Variants in CNNM1 observed in about 807,000 individuals in gnomAD.
The protein encoded by CNNM1 is cyclin and CBS domain divalent metal cation transport mediator 1, also known as metal transporter CNNM1.
A neutral mutation model predicts 78.8 loss-of-function variants in CNNM1; 44 were observed. The ratio of observed to expected loss-of-function variants is 0.56; its 90% CI spans 0.44 to 0.72. The LOEUF (loss-of-function observed/expected upper bound fraction) is 0.72, where lower values mean the gene tolerates loss of function less well. Among genes scored for constraint, CNNM1 ranks in the 30% least tolerant of loss-of-function variants. CNNM1 has a pLI of 0.00. For missense variants in CNNM1, 1,101 were observed against 1,292.2 expected, an observed-to-expected ratio of 0.85 and a Z score of 2.27; for synonymous variants, 584 against 581.5, an observed-to-expected ratio of 1.00 and a Z score of -0.06.
chr10:99,389,882 G>A (rs1410430306), intron 9 of CNNM1, among the ~76,000 whole-genome samples: 1 of 152,178 alleles, frequency 6.6e-6, no homozygotes, highest in African/African-American at 2.4e-5. Flanking sequence ...GGAGAAGACA[G>A]GGGCATTGTT....
intron 7 of CNNM1, among the ~76,000 whole-genome samples, chr10:99,379,186 A>G (rs1433504246): frequency 6.6e-6 from 1 of 152,240 alleles, no homozygotes; most frequent in Non-Finnish European, 1.5e-5. Context: ...TTCAACAAAT[A>G]TTTAATGGAG....
intron 1 of CNNM1, among the ~76,000 whole-genome samples, chr10:99,357,054 A>G (rs1339462367): frequency 6.6e-6 from 1 of 151,366 alleles, no homozygotes; most frequent in Non-Finnish European, 1.5e-5. Flanking sequence ...CCACACTGGC[A>G]TTATTTCCTG....
intron 6 of CNNM1, among the ~76,000 whole-genome samples, chr10:99,371,834 T>C (rs967751627): frequency 6.8e-4 from 104 of 152,278 alleles, no homozygotes; most frequent in Middle Eastern, 3.4e-3. Flanking sequence ...TTGGTACTCT[T>C]ACAGGTCTAT....
chr10:99,331,061 C>G, intron 1 of CNNM1, 101 bp downstream of exon 1: 2 of 1,198,502 alleles, frequency 1.7e-6, no homozygotes, highest in Non-Finnish European at 2.3e-6. Context: ...AATTTCTCTC[C>G]TATGGTACTA....
chr10:99,347,940 C>G (rs1359998500), intron 1 of CNNM1, among the ~76,000 whole-genome samples: 1 of 152,102 alleles, frequency 6.6e-6, no homozygotes, highest in East Asian at 1.9e-4. Context: ...TGTTCTCTCA[C>G]TCCCACACAC....
At chr10:99,368,690 C>T in intron 6 of CNNM1, 1 of 1,289,428 alleles carries the variant, frequency 7.8e-7, no homozygotes, top group Non-Finnish European at 1.0e-6. Context: ...GGTAAACATG[C>T]ATGGGTGTCT....
intron 6 of CNNM1, among the ~76,000 whole-genome samples, chr10:99,372,234 C>G (rs77454379): frequency 6.8e-4 from 104 of 152,284 alleles, no homozygotes; most frequent in African/African-American, 2.4e-3. Context: ...CCCAATTTTA[C>G]CCTAGTGCCT....
chr10:99,363,761 T>C (rs11816449), intron 4 of CNNM1, among the ~76,000 whole-genome samples: 2 of 149,334 alleles, frequency 1.3e-5, no homozygotes, highest in East Asian at 3.9e-4. Context: ...TTTTTTTTTT[T>C]TGAGACAGAG....
intron 2 of CNNM1, among the ~76,000 whole-genome samples, chr10:99,358,731 G>A (rs2031317064): frequency 6.6e-6 from 1 of 152,086 alleles, no homozygotes; most frequent in South Asian, 2.1e-4. Context: ...CCTCACATGA[G>A]GAACGAGCTC....
At chr10:99,345,882 T>TG (rs1208966287) in intron 1 of CNNM1, among the ~76,000 whole-genome samples, 36 of 152,254 alleles carry the variant, frequency 2.4e-4, no homozygotes, top group African/African-American at 8.4e-4. Flanking sequence ...TTTTAAGAGA[T>TG]GGGGGTCTTA....
At chr10:99,332,359 A>G (rs1387721975) in intron 1 of CNNM1, among the ~76,000 whole-genome samples, 1 of 152,214 alleles carries the variant, frequency 6.6e-6, no homozygotes, top group Non-Finnish European at 1.5e-5. Flanking sequence ...GCCTTCAGAT[A>G]TAGCTTCCTA....
At chr10:99,350,709 A>C (rs549831464) in intron 1 of CNNM1, among the ~76,000 whole-genome samples, 2 of 152,270 alleles carry the variant, frequency 1.3e-5, no homozygotes, top group East Asian at 3.9e-4. Context: ...AACGTGTGCC[A>C]TGATGGTTTG....
chr10:99,342,151 A>G (rs983028693), intron 1 of CNNM1, among the ~76,000 whole-genome samples: 2 of 152,174 alleles, frequency 1.3e-5, no homozygotes, highest in Admixed American at 1.3e-4. Context: ...CATGTGCCTG[A>G]TATGTAGTAT....
At chr10:99,389,233 T>G (rs1022990336) in intron 9 of CNNM1, among the ~76,000 whole-genome samples, 6 of 151,774 alleles carry the variant, frequency 4.0e-5, no homozygotes, top group African/African-American at 1.2e-4. Flanking sequence ...CTGACCAACA[T>G]GGTGAAACCC....
At position 99,330,089 on chromosome 10, in the gene CNNM1, C is replaced by G. The variant is rs1268766887; in HGVS notation, c.702C>G (p.Ala234=). 1.9e-6 allele frequency: 3 copies of G among 1,540,086 alleles called. No individual in the cohort carries two copies. The highest frequency in any genetic ancestry group is 2.6e-6 in the Non-Finnish European group (3 of 1,151,654). ...LRALGALLLL[A]LSALFSGLRL... ...CGCTCGGGGCGCTCCTGCTGCTAGCCTTGTCGGCCCTGTTCAGCGGCCTGC... is the reference window on the plus strand; with the variant it reads ...CGCTCGGGGCGCTCCTGCTGCTAGCGTTGTCGGCCCTGTTCAGCGGCCTGC... The change falls in exon 1 of 11, where the codon GCC becomes GCG. Residue 234 remains alanine, a synonymous_variant. Coordinates refer to ENST00000356713, the MANE Select transcript of CNNM1 (RefSeq NM_020348.3).
chr10:99,360,049 C>T (rs2031377337), intron 2 of CNNM1, among the ~76,000 whole-genome samples: 1 of 152,136 alleles, frequency 6.6e-6, no homozygotes. Flanking sequence ...TAATTACATG[C>T]CTGATACATA....
intron 1 of CNNM1, among the ~76,000 whole-genome samples, chr10:99,333,340 TAG>T (rs1564936248): frequency 6.6e-6 from 1 of 152,030 alleles, no homozygotes. Flanking sequence ...TTCATTTGTT[TAG>T]GTTTGTTTGT....
At chr10:99,373,106 C>G (rs546787600) in intron 6 of CNNM1, among the ~76,000 whole-genome samples, 25 of 152,296 alleles carry the variant, frequency 1.6e-4, no homozygotes, top group Middle Eastern at 3.4e-3. Flanking sequence ...GCTGTTGCCT[C>G]TGTTTTCAAC....
intron 7 of CNNM1, among the ~76,000 whole-genome samples, chr10:99,381,009 G>A (rs561518330): frequency 6.6e-6 from 1 of 152,298 alleles, no homozygotes; most frequent in Non-Finnish European, 1.5e-5. Context: ...GCTGCAATCA[G>A]TGCAGCTGAG....
Sources: allele counts gnomAD v4.1 joint callset (sites outside exome capture counted in the v4.1 genomes callset), GRCh38; gene constraint gnomAD v4.1.1; transcripts MANE v1.5; gene names NCBI Gene and HGNC (gene_info 2026-07-23, HGNC 2026-07-21).